Variants in ATP1B3 observed in about 807,000 individuals in gnomAD.
The protein encoded by ATP1B3 is ATPase Na+/K+ transporting subunit beta 3, also known as sodium/potassium-transporting ATPase subunit beta-3.
In ATP1B3, 10 loss-of-function variants were observed where a neutral mutation model predicts 30.2. That is an observed-to-expected ratio of 0.33 (90% CI 0.20 to 0.56). The LOEUF is 0.56. ATP1B3 is among the 20% of genes least tolerant of loss of function. The pLI, the probability that ATP1B3 is intolerant of heterozygous loss-of-function variation, is 0.90. For missense variants in ATP1B3, 238 were observed against 336.7 expected (o/e 0.71, Z 2.29); for synonymous variants, 113 against 117.0 (o/e 0.97, Z 0.22).
intron 1 of ATP1B3, among the ~76,000 whole-genome samples, chr3:141,888,206 T>C (rs1933873021): frequency 6.6e-6 from 1 of 152,214 alleles, no homozygotes; most frequent in South Asian, 2.1e-4. Flanking sequence ...CACTCAACTT[T>C]TCTGTGCATG....
intron 4 of ATP1B3, among the ~76,000 whole-genome samples, chr3:141,914,575 G>C (rs1375784374): frequency 6.6e-6 from 1 of 152,172 alleles, no homozygotes; most frequent in Non-Finnish European, 1.5e-5. Flanking sequence ...TCAGAGTTGT[G>C]TTCTGATGCG....
At chr3:141,892,364 A>G (rs1369466659) in intron 1 of ATP1B3, among the ~76,000 whole-genome samples, 2 of 152,044 alleles carry the variant, frequency 1.3e-5, no homozygotes, top group Non-Finnish European at 2.9e-5. Context: ...GTTTATTTCA[A>G]CCATTGGTGT....
intron 1 of ATP1B3, among the ~76,000 whole-genome samples, chr3:141,893,611 GT>G (rs1372661725): frequency 2.0e-5 from 3 of 152,006 alleles, no homozygotes; most frequent in Admixed American, 6.6e-5. Context: ...TTAAGTTTTT[GT>G]TTGTCTTTAA....
At position 141,916,594 on chromosome 3, in the gene ATP1B3, A is replaced by C. The variant is rs1488746659; in HGVS notation, c.582+574A>C. On this transcript the variant is annotated intron_variant, in intron 5 of 6. Coordinates refer to ENST00000286371, the MANE Select transcript of ATP1B3 (RefSeq NM_001679.4). ...AGATGGGTAAGAGTTCTGAGGAGAC[A>C]TTAAGTTCTAAATTTATCATTGTGC... is the stretch of plus-strand genomic sequence containing the variant. 5 of 1,272,436 alleles carry C rather than the reference A, an allele frequency of 3.9e-6. 1 individual carries two copies. In the South Asian group the frequency reaches 6.2e-5, roughly 16 times the overall value. The allele number at this position is 1,272,436 out of a possible 1,614,324, so 78.8% of individuals were successfully genotyped here.
intron 4 of ATP1B3, 102 bp downstream of exon 4, chr3:141,913,938 T>A: frequency 8.8e-7 from 1 of 1,133,680 alleles, no homozygotes; most frequent in Non-Finnish European, 1.2e-6. Context: ...CCTTCCTTAT[T>A]AAAAGTTATC....
At chr3:141,889,756 TACACACACACACACACACAC>T (rs34670135) in intron 1 of ATP1B3, among the ~76,000 whole-genome samples, 1 of 84,040 alleles carries the variant, frequency 1.2e-5, no homozygotes, top group African/African-American at 5.5e-5. Context: ...AAAAAATATA[TACACACACACACACACACAC>T]ACACACACAC....
intron 1 of ATP1B3, chr3:141,902,105 T>C: frequency 7.8e-7 from 1 of 1,280,804 alleles, no homozygotes; most frequent in Non-Finnish European, 1.0e-6. Flanking sequence ...GTTTACTTCT[T>C]TGAGATTGGT....
In ATP1B3 at chr3:141,925,887, C is replaced by A; in HGVS notation, c.*186C>A. 1 of 671,398 alleles carries A rather than the reference C, an allele frequency of 1.5e-6. No homozygotes were observed. Among genetic ancestry groups the A allele is most frequent in the Non-Finnish European group, 2.4e-6 (1 of 420,138 alleles). The allele number at this position is 671,398 out of a possible 1,614,324, so 41.6% of individuals were successfully genotyped here. A position where few individuals can be genotyped will look rare whatever the true frequency, so the allele number is the denominator to read the frequency against. Reference sequence around the variant, plus strand: ...TGTCCTCTGAAGTAACTGCCTGTTGCCTCTGCTGCCCTTTGAACCAGTGTA... The same window carrying A: ...TGTCCTCTGAAGTAACTGCCTGTTGACTCTGCTGCCCTTTGAACCAGTGTA... On this transcript the variant is annotated 3_prime_UTR_variant, in exon 7 of 7. Transcript: ENST00000286371.
Position 141,892,480 on chromosome 3 carries a change from A to G in ATP1B3, c.110-11140A>G, listed in dbSNP as rs559582409. On this transcript the variant is annotated intron_variant, in intron 1 of 6. Coordinates refer to ENST00000286371, the MANE Select transcript of ATP1B3 (RefSeq NM_001679.4). ...TTAAATTATTCCTGCCATATTATTG[A>G]CATTTTAATTACAAATTGTTATTGA... is the stretch of plus-strand genomic sequence containing the variant. 6.4e-4 allele frequency among the ~76,000 whole-genome samples: 97 copies of G among 152,004 alleles called. 1 individual carries two copies. The Middle Eastern group carries it at 0.014, about 21-fold the overall frequency.
chr3:141,917,404 A>G (rs1419554779), intron 5 of ATP1B3, among the ~76,000 whole-genome samples: 1 of 152,038 alleles, frequency 6.6e-6, no homozygotes, highest in African/African-American at 2.4e-5. Context: ...TTGTACAAAA[A>G]GCCAGAGTCA....
intron 1 of ATP1B3, among the ~76,000 whole-genome samples, chr3:141,877,249 C>G (rs549879776): frequency 6.2e-4 from 94 of 151,994 alleles, no homozygotes; most frequent in African/African-American, 2.1e-3. Context: ...AGCCGGGCCC[C>G]GAGAGTGCAG....
intron 1 of ATP1B3, among the ~76,000 whole-genome samples, chr3:141,882,014 G>A (rs755262819): frequency 6.6e-5 from 10 of 152,232 alleles, no homozygotes; most frequent in Non-Finnish European, 1.2e-4. Flanking sequence ...AGTGCTTTAA[G>A]ATTATTAAAG....
chr3:141,885,064 G>A (rs769795428), intron 1 of ATP1B3, among the ~76,000 whole-genome samples: 13 of 151,966 alleles, frequency 8.6e-5, no homozygotes, highest in African/African-American at 1.5e-4. Context: ...TAAATAGCTC[G>A]TTTCCCTTCC....
At chr3:141,876,963 G>A in intron 1 of ATP1B3, 53 bp downstream of exon 1, 1 of 1,423,806 alleles carries the variant, frequency 7.0e-7, no homozygotes, top group South Asian at 1.3e-5. Context: ...CGGGGGCGCC[G>A]GGCGCGGTCT....
rs370569371 is a variant in ATP1B3 at position 141,907,275 on chromosome 3, G to A, written c.346+1G>A. On this transcript the variant is annotated splice_donor_variant, in intron 3 of 6. Transcript: ENST00000286371. LOFTEE classifies it high-confidence loss of function. ...GAAGACCTTAAGAAGTTTCTAAAACGTGAGTATGTTTTCTTAGAGTAAGGT... is the reference window on the plus strand; with the variant it reads ...GAAGACCTTAAGAAGTTTCTAAAACATGAGTATGTTTTCTTAGAGTAAGGT... The A allele has an allele frequency of 6.2e-7, 1 of 1,603,484 alleles. No homozygotes were observed. Among genetic ancestry groups the A allele is most frequent in the Non-Finnish European group, 8.5e-7 (1 of 1,173,242 alleles).
At chr3:141,886,774 G>A (rs7636902) in intron 1 of ATP1B3, among the ~76,000 whole-genome samples, 3,255 of 152,228 alleles carry the variant, frequency 0.021, 114 homozygotes, top group African/African-American at 0.072. Context: ...AAGATGGGAG[G>A]ACTACTTTAG....
chr3:141,890,029 A>G (rs1933911676), intron 1 of ATP1B3, among the ~76,000 whole-genome samples: 1 of 140,930 alleles, frequency 7.1e-6, no homozygotes, highest in Non-Finnish European at 1.5e-5. Context: ...TTTCTTCAAT[A>G]TTTTTATATT....
chr3:141,909,884 C>A (rs147855951), intron 3 of ATP1B3, among the ~76,000 whole-genome samples: 25 of 152,302 alleles, frequency 1.6e-4, no homozygotes, highest in Non-Finnish European at 2.9e-4. Context: ...TAGGCTATTA[C>A]AATAATCTAG....
intron 5 of ATP1B3, chr3:141,918,676 A>T (rs183557170): frequency 5.8e-4 from 88 of 152,224 alleles, no homozygotes; most frequent in African/African-American, 1.8e-3. Context: ...TGACCTCGTG[A>T]TTCGTCTTCC....
Sources: gnomAD v4.1 joint callset for allele counts (sites outside exome capture counted in the v4.1 genomes callset) on GRCh38, gnomAD v4.1.1 for gene constraint, MANE v1.5 for transcripts, NCBI Gene and HGNC (gene_info 2026-07-23, HGNC 2026-07-21) for gene names.